FRMD3: variants seen among roughly 807,000 people sequenced by gnomAD.
FRMD3 encodes FERM domain-containing protein 3.
Under a neutral mutation model 70.2 loss-of-function variants are expected in FRMD3, and 33 were observed. The ratio of observed to expected loss-of-function variants is 0.47; its 90% CI spans 0.36 to 0.63. The LOEUF (loss-of-function observed/expected upper bound fraction) is 0.63, where lower values mean the gene tolerates loss of function less well. Among genes scored for constraint, FRMD3 ranks in the 20% least tolerant of loss-of-function variants. The pLI is 0.00. For synonymous variants in FRMD3, 279 were observed against 255.9 expected, an observed-to-expected ratio of 1.09 and a Z score of -0.86; for missense variants, 632 against 711.4, an observed-to-expected ratio of 0.89 and a Z score of 1.27.
intron 5 of FRMD3, among the ~76,000 whole-genome samples, chr9:83,340,789 C>T (rs1823728749): frequency 6.6e-6 from 1 of 152,144 alleles, no homozygotes; most frequent in Admixed American, 6.5e-5. Flanking sequence ...GAGACAAGGT[C>T]TTGTCTATGT....
intron 8 of FRMD3, among the ~76,000 whole-genome samples, chr9:83,310,750 A>T (rs1333658558): frequency 6.6e-6 from 1 of 152,208 alleles, no homozygotes; most frequent in Non-Finnish European, 1.5e-5. Flanking sequence ...ATCCGCACAG[A>T]GCTCAGAATT....
At chr9:83,271,290 T>C (rs1229155691) in intron 13 of FRMD3, among the ~76,000 whole-genome samples, 1 of 152,228 alleles carries the variant, frequency 6.6e-6, no homozygotes, top group Non-Finnish European at 1.5e-5. Context: ...AGATAATAAA[T>C]TATTATTACA....
the FRMD3 span, among the ~76,000 whole-genome samples, chr9:83,573,240 A>G: frequency 6.6e-6 from 1 of 152,224 alleles, no homozygotes; most frequent in African/African-American, 2.4e-5. Context: ...AGATTCAGAA[A>G]AGAAGAAAGA....
intron 1 of FRMD3, among the ~76,000 whole-genome samples, chr9:83,485,983 C>T (rs1406907142): frequency 6.6e-6 from 1 of 151,810 alleles, no homozygotes; most frequent in Non-Finnish European, 1.5e-5. Context: ...TATCATACAT[C>T]ATATACATTA....
intron 12 of FRMD3, among the ~76,000 whole-genome samples, chr9:83,296,535 C>T (rs1328225233): frequency 6.6e-6 from 1 of 152,146 alleles, no homozygotes; most frequent in East Asian, 1.9e-4. Context: ...CAAATTCTTT[C>T]TGGTGTTGTC....
At chr9:83,255,036 G>C (rs2224820) in intron 13 of FRMD3, among the ~76,000 whole-genome samples, 99,945 of 152,006 alleles carry the variant, frequency 0.66, 33,353 homozygotes, top group African/African-American at 0.73. Context: ...TTTTATGAGG[G>C]CAGCATCATC....
chr9:83,309,288 A>G (rs141657619), intron 10 of FRMD3, among the ~76,000 whole-genome samples: 2,665 of 151,692 alleles, frequency 0.018, 75 homozygotes, highest in African/African-American at 0.061. Context: ...ACACACACAC[A>G]CACACACACA....
In FRMD3 at chr9:83,245,483, C is replaced by G. The variant is rs1832049339; in HGVS notation, c.*2435G>C. On this transcript the variant is annotated 3_prime_UTR_variant, in exon 14 of 14. Coordinates refer to ENST00000304195, the MANE Select transcript of FRMD3 (RefSeq NM_174938.6). ...TCAACTTCTTCACTTAAAAACATTT[C>G]TATTCAACAATGAAGTTTCCACCTA... 29 of 984,368 alleles carry G rather than the reference C, an allele frequency of 2.9e-5. No homozygotes were observed. Among genetic ancestry groups the G allele is most frequent in the Non-Finnish European group, 3.5e-5 (29 of 829,004 alleles). The allele number at this position is 984,368 out of a possible 1,614,324, so 61.0% of individuals were successfully genotyped here.
At chr9:83,262,641 C>G (rs545727301) in intron 13 of FRMD3, among the ~76,000 whole-genome samples, 15 of 152,268 alleles carry the variant, frequency 9.9e-5, no homozygotes, top group African/African-American at 3.4e-4. Flanking sequence ...CTACCACATA[C>G]GCTTCCTCCC....
intron 12 of FRMD3, chr9:83,297,857 T>C (rs940986388): frequency 2.3e-5 from 11 of 471,068 alleles, no homozygotes; most frequent in Admixed American, 1.6e-4. Context: ...TGCTCCCCGG[T>C]GTGGGAGAGA....
intron 12 of FRMD3, among the ~76,000 whole-genome samples, chr9:83,292,760 C>A (rs7039947): frequency 6.6e-6 from 1 of 151,900 alleles, no homozygotes; most frequent in Non-Finnish European, 1.5e-5. Flanking sequence ...TGATTCTCCT[C>A]CCTCAGCCTC....
At chr9:83,312,182 C>T (rs1835386842) in intron 7 of FRMD3, among the ~76,000 whole-genome samples, 1 of 152,108 alleles carries the variant, frequency 6.6e-6, no homozygotes, top group South Asian at 2.1e-4. Flanking sequence ...GTAGCTTTTC[C>T]CTTTGAGGAG....
At chr9:83,513,057 A>C (rs10512135) in intron 1 of FRMD3, among the ~76,000 whole-genome samples, 7,019 of 152,326 alleles carry the variant, frequency 0.046, 246 homozygotes, top group South Asian at 0.11. Flanking sequence ...ACCAGAGAGA[A>C]TAAGGGTGCT....
chr9:83,499,009 C>T (rs756200881), intron 1 of FRMD3, among the ~76,000 whole-genome samples: 2 of 152,100 alleles, frequency 1.3e-5, no homozygotes, highest in Non-Finnish European at 2.9e-5. Context: ...TGGCAATATC[C>T]TTGTATTGGG....
chr9:83,395,071 C>T (rs1825774953), intron 1 of FRMD3, among the ~76,000 whole-genome samples: 1 of 152,120 alleles, frequency 6.6e-6, no homozygotes, highest in Admixed American at 6.5e-5. Flanking sequence ...AATTTATCAT[C>T]TCACAGATCT....
At chr9:83,401,408 GA>G (rs1225700232) in intron 1 of FRMD3, among the ~76,000 whole-genome samples, 1 of 152,206 alleles carries the variant, frequency 6.6e-6, no homozygotes, top group Non-Finnish European at 1.5e-5. Flanking sequence ...CTTCATCTCA[GA>G]AATGGGGAAA....
At chr9:83,366,106 G>A (rs373868703) in intron 3 of FRMD3, among the ~76,000 whole-genome samples, 14 of 152,212 alleles carry the variant, frequency 9.2e-5, no homozygotes, top group African/African-American at 2.9e-4. Flanking sequence ...CCTCACTACC[G>A]AGACAGTACT....
At chr9:83,271,713 A>G (rs1247109290) in intron 13 of FRMD3, among the ~76,000 whole-genome samples, 3 of 152,222 alleles carry the variant, frequency 2.0e-5, no homozygotes, top group Non-Finnish European at 4.4e-5. Context: ...ATGATTTCCC[A>G]TATCAGACTG....
intron 1 of FRMD3, among the ~76,000 whole-genome samples, chr9:83,400,585 T>C (rs1319630906): frequency 2.6e-5 from 4 of 152,282 alleles, no homozygotes; most frequent in Non-Finnish European, 5.9e-5. Context: ...CAACACAGTA[T>C]TGATGACAAA....
Sources: gnomAD v4.1 joint callset for allele counts (sites outside exome capture counted in the v4.1 genomes callset) on GRCh38, gnomAD v4.1.1 for gene constraint, MANE v1.5 for transcripts, NCBI Gene and HGNC (gene_info 2026-07-23, HGNC 2026-07-21) for gene names.